Variants in LMBR1 observed in about 807,000 individuals in gnomAD.
LMBR1 encodes limb region 1 protein homolog.
In LMBR1, 52 loss-of-function variants were observed where a neutral mutation model predicts 73.9. That is an observed-to-expected ratio of 0.70 (90% confidence interval 0.56 to 0.89). LMBR1 has a LOEUF of 0.89. LMBR1 is among the 40% of genes least tolerant of loss of function. The pLI is 0.00. For missense variants in LMBR1, 539 were observed against 579.8 expected (o/e 0.93, Z 0.72); for synonymous variants, 215 against 209.4 (o/e 1.03, Z -0.23).
intron 1 of LMBR1, among the ~76,000 whole-genome samples, chr7:156,861,471 G>C (rs1416757220): frequency 6.6e-6 from 1 of 152,190 alleles, no homozygotes; most frequent in African/African-American, 2.4e-5. Context: ...AAAGGTCTCT[G>C]ACATGCCTTG....
chr7:156,779,626 C>A, intron 5 of LMBR1: 1 of 1,167,754 alleles, frequency 8.6e-7, no homozygotes. Flanking sequence ...TAATTCACAT[C>A]AATGAAGTGA....
intron 15 of LMBR1, among the ~76,000 whole-genome samples, chr7:156,695,314 C>T (rs1484346920): frequency 1.3e-5 from 2 of 152,160 alleles, no homozygotes; most frequent in Non-Finnish European, 2.9e-5. Flanking sequence ...GTCTCCAAAA[C>T]AAACAAACGG....
intron 9 of LMBR1, among the ~76,000 whole-genome samples, chr7:156,755,757 C>G (rs1821747553): frequency 6.6e-6 from 1 of 152,138 alleles, no homozygotes; most frequent in Non-Finnish European, 1.5e-5. Context: ...TCCTCTAGAA[C>G]AGATACAAAC....
At chr7:156,671,817 G>A (rs7803221) in intron 4 of LMBR1, among the ~76,000 whole-genome samples, 70,023 of 151,948 alleles carry the variant, frequency 0.46, 18,790 homozygotes, top group African/African-American at 0.75. Context: ...CCCTGACCAC[G>A]GTGCAGCTGA....
intron 15 of LMBR1, among the ~76,000 whole-genome samples, chr7:156,690,835 A>T (rs965912424): frequency 1.3e-5 from 2 of 152,230 alleles, no homozygotes; most frequent in African/African-American, 4.8e-5. Context: ...TCAATTCTGA[A>T]AATTTTCTAT....
In LMBR1 at chr7:156,756,419, T is replaced by C; in HGVS notation, c.731A>G (p.Glu244Gly). The C allele has an allele frequency of 6.7e-7, 1 of 1,500,646 alleles. No homozygotes were observed. The highest frequency in any genetic ancestry group is 9.2e-7 in the Non-Finnish European group (1 of 1,085,044). 93.0% of individuals were successfully genotyped at this position (1,500,646 alleles called of 1,614,324 possible). The part of the protein sequence containing the change: ...DEQIYIITLE[E>G]EALQRRLNGL... The stretch of plus-strand genomic sequence containing the variant: ...ATTTAGTCGTCTCTGGAGTGCTTCT[T>C]CCTCTAAGGTAATGATATAAATTTG... The change falls in exon 9 of 17, where the codon GAA becomes GGA. Residue 244 changes from glutamate to glycine, a missense_variant. Transcript: ENST00000353442.
intron 4 of LMBR1, among the ~76,000 whole-genome samples, chr7:156,806,059 G>T (rs1278886027): frequency 6.6e-6 from 1 of 152,106 alleles, no homozygotes; most frequent in Non-Finnish European, 1.5e-5. Context: ...GTTTTGTATT[G>T]TAAGCCACCC....
At chr7:156,827,173 T>C (rs1179586370) in intron 3 of LMBR1, among the ~76,000 whole-genome samples, 1 of 152,076 alleles carries the variant, frequency 6.6e-6, no homozygotes, top group African/African-American at 2.4e-5. Context: ...AAAAACAAAT[T>C]AATTTAAAAT....
At chr7:156,706,008 T>C (rs530898149) in intron 15 of LMBR1, among the ~76,000 whole-genome samples, 19 of 152,060 alleles carry the variant, frequency 1.2e-4, no homozygotes, top group African/African-American at 4.6e-4. Flanking sequence ...GAGAAAAACA[T>C]GATCCAACCA....
chr7:156,803,115 C>T (rs1246851506), intron 4 of LMBR1, among the ~76,000 whole-genome samples: 2 of 152,038 alleles, frequency 1.3e-5, no homozygotes, highest in African/African-American at 4.8e-5. Flanking sequence ...TCTAAAACAC[C>T]AAAAGCAATG....
chr7:156,743,687 T>C (rs1819320655), intron 9 of LMBR1, among the ~76,000 whole-genome samples: 1 of 152,124 alleles, frequency 6.6e-6, no homozygotes, highest in Non-Finnish European at 1.5e-5. Context: ...GAAACTTTAG[T>C]TTATCCTTTT....
At chr7:156,874,992 A>G (rs1799943614) in intron 1 of LMBR1, among the ~76,000 whole-genome samples, 2 of 152,234 alleles carry the variant, frequency 1.3e-5, no homozygotes, top group South Asian at 4.1e-4. Context: ...ATCAGTTATT[A>G]AGCTAATCAA....
At position 156,680,900 on chromosome 7, in the gene LMBR1, T is replaced by A; in HGVS notation, c.*3178A>T. 4.3e-6 allele frequency: 1 copy of A among 235,100 alleles called. No homozygotes were observed. Among genetic ancestry groups the A allele is most frequent in the South Asian group, 4.9e-5 (1 of 20,612 alleles). 14.6% of individuals were successfully genotyped at this position (235,100 alleles called of 1,614,324 possible). On this transcript the variant is annotated 3_prime_UTR_variant, in exon 17 of 17. Coordinates refer to ENST00000353442, the MANE Select transcript of LMBR1 (RefSeq NM_022458.4). ...ATGAAATCACTTTTTGTACAACTTT[T>A]AATTTCTAAGACATTTAAAAAGTCA...
At chr7:156,871,607 G>A (rs753546036) in intron 1 of LMBR1, among the ~76,000 whole-genome samples, 1 of 152,158 alleles carries the variant, frequency 6.6e-6, no homozygotes, top group Non-Finnish European at 1.5e-5. Context: ...GACTAAGTGG[G>A]ATTTATGCCT....
intron 4 of LMBR1, among the ~76,000 whole-genome samples, chr7:156,821,257 C>T (rs1400391564): frequency 2.6e-5 from 4 of 152,226 alleles, no homozygotes; most frequent in African/African-American, 4.8e-5. Flanking sequence ...TCCCCACTCC[C>T]GCTACGCTGC....
chr7:156,807,118 C>T (rs1832277150), intron 4 of LMBR1, among the ~76,000 whole-genome samples: 1 of 152,020 alleles, frequency 6.6e-6, no homozygotes, highest in South Asian at 2.1e-4. Flanking sequence ...TACAGTGTTA[C>T]ATTTGATTCG....
intron 10 of LMBR1, among the ~76,000 whole-genome samples, chr7:156,732,533 A>G (rs1817043731): frequency 6.6e-6 from 1 of 152,208 alleles, no homozygotes; most frequent in Admixed American, 6.5e-5. Context: ...ATTCTCAAGT[A>G]TATCGGCTCA....
At chr7:156,891,552 AG>A (rs1802992912) in intron 1 of LMBR1, among the ~76,000 whole-genome samples, 1 of 152,116 alleles carries the variant, frequency 6.6e-6, no homozygotes, top group Non-Finnish European at 1.5e-5. Context: ...TTGGTGGAGG[AG>A]AAAGTAATTG....
At chr7:156,870,226 T>C (rs1193337409) in intron 1 of LMBR1, among the ~76,000 whole-genome samples, 1 of 152,170 alleles carries the variant, frequency 6.6e-6, no homozygotes, top group African/African-American at 2.4e-5. Context: ...TAATGATATA[T>C]ACAGAACATT....
Sources: gnomAD v4.1 joint callset for allele counts (sites outside exome capture counted in the v4.1 genomes callset) on GRCh38, gnomAD v4.1.1 for gene constraint, MANE v1.5 for transcripts, NCBI Gene and HGNC (gene_info 2026-07-23, HGNC 2026-07-21) for gene names.